LMF1: variants seen among roughly 807,000 people sequenced by gnomAD.
The protein encoded by LMF1 is lipase maturation factor 1.
LMF1 carries 68 observed loss-of-function variants against 60.6 expected under a neutral mutation model. That is an observed-to-expected ratio of 1.12 (90% CI 0.92 to 1.37). The LOEUF is 1.37. Ranked by LOEUF, LMF1 falls within the 40% of genes most tolerant of loss-of-function variation. The pLI, the probability that LMF1 is intolerant of heterozygous loss-of-function variation, is 0.00. For missense variants in LMF1, 948 were observed against 767.2 expected (o/e 1.24, Z -2.78); for synonymous variants, 418 against 324.7 (o/e 1.29, Z -3.09).
intron 10 of LMF1, among the ~76,000 whole-genome samples, chr16:857,028 C>A (rs151295312): frequency 3.9e-5 from 6 of 152,264 alleles, no homozygotes; most frequent in Non-Finnish European, 4.4e-5. Flanking sequence ...TGGAACCCTG[C>A]GGCACGTACC....
intron 10 of LMF1, among the ~76,000 whole-genome samples, chr16:868,208 G>A (rs74001084): frequency 0.027 from 4,074 of 151,940 alleles, 165 homozygotes; most frequent in African/African-American, 0.086. Context: ...CCCACCCTGG[G>A]CCCCACCCCA....
At chr16:953,370 A>G (rs1398965380) in intron 2 of LMF1, among the ~76,000 whole-genome samples, 2 of 89,484 alleles carry the variant, frequency 2.2e-5, no homozygotes, top group East Asian at 5.5e-4. Context: ...CACGGACCCC[A>G]AACCAGCCTC....
intron 3 of LMF1, among the ~76,000 whole-genome samples, chr16:918,450 C>T (rs192176673): frequency 1.2e-4 from 19 of 152,350 alleles, no homozygotes; most frequent in South Asian, 8.3e-4. Context: ...TTAGACTTCG[C>T]GGCAAAGAGT....
intron 2 of LMF1, among the ~76,000 whole-genome samples, chr16:951,682 T>C (rs1319608765): frequency 2.6e-5 from 4 of 152,158 alleles, no homozygotes; most frequent in South Asian, 4.1e-4. Context: ...GAACGATAAA[T>C]GGGGAGCAGA....
chr16:975,682 C>T, upstream of LMF1: 1 of 400,126 alleles, frequency 2.5e-6, no homozygotes, highest in Non-Finnish European at 5.0e-6. Context: ...CCACTTTGCC[C>T]CTCGTACCCG....
upstream of LMF1, chr16:971,049 G>T (rs1047956809): frequency 2.5e-5 from 30 of 1,194,922 alleles, no homozygotes; most frequent in African/African-American, 4.4e-4. Context: ...CGGAGGCCCC[G>T]CCTCTCCCTG....
chr16:933,277 G>T (rs964355629), intron 3 of LMF1: 2 of 152,208 alleles, frequency 1.3e-5, no homozygotes, highest in Non-Finnish European at 1.5e-5. Context: ...CAGGAATAAG[G>T]TTCCTTTGTA....
intron 6 of LMF1, among the ~76,000 whole-genome samples, chr16:875,883 C>T (rs553095804): frequency 6.6e-5 from 10 of 152,328 alleles, no homozygotes; most frequent in Admixed American, 5.9e-4. Context: ...CCCGGCCCTC[C>T]TCCAGCAGCT....
Position 954,461 on chromosome 16 carries a change from T to C in LMF1, c.399A>G (p.Gly133=). Residue 133 remains glycine (G), a synonymous_variant, in exon 2 of 11, where the codon GGA becomes GGG. Transcript: ENST00000262301. ...TCAGTACGAAAGACGAGATGCCCAG[T>C]CCGAGAAGAGCCAGCAAGTCCAGGT... ...NSNLDLLALL[G]LGISSFVLIT... is the part of the protein sequence containing the mutation. The C allele has an allele frequency of 6.2e-7, 1 of 1,612,832 alleles. No homozygotes were observed. The highest frequency in any genetic ancestry group is 1.3e-5 in the African/African-American group (1 of 75,008).
intron 4 of LMF1, among the ~76,000 whole-genome samples, chr16:909,578 C>T (rs1473748531): frequency 3.9e-5 from 6 of 152,238 alleles, no homozygotes; most frequent in South Asian, 4.1e-4. Context: ...CAGCAAGCCA[C>T]GCTACACACT....
At chr16:900,742 G>C (rs1210584116) in intron 4 of LMF1, 2 of 144,862 alleles carry the variant, frequency 1.4e-5, no homozygotes, top group Non-Finnish European at 3.0e-5. Context: ...TTTTAGTACA[G>C]ACGGGATTTC....
intron 1 of LMF1, chr16:976,419 G>A (rs1286001772): frequency 2.2e-6 from 1 of 454,120 alleles, no homozygotes. Flanking sequence ...TTAGGGACAG[G>A]ATTTACTGCC....
At position 874,340 on chromosome 16, in the gene LMF1, C is replaced by A. The variant is rs1377382679; in HGVS notation, c.898-2999G>T. Among the ~76,000 whole-genome samples, 2 of 151,922 alleles carry A rather than the reference C, an allele frequency of 1.3e-5. No homozygotes were observed. Among genetic ancestry groups the A allele is most frequent in the African/African-American group, 4.8e-5 (2 of 41,384 alleles). On this transcript the variant is annotated intron_variant, in intron 6 of 10. Coordinates refer to ENST00000262301, the MANE Select transcript of LMF1 (RefSeq NM_022773.4). This position sits in a 1 kb window ranked among gnomAD's most constrained non-coding sequence, Gnocchi z 4.1. ...GGTGCAGCCACCACAGGGCAAGGAG[C>A]CCTTTGGGCAGGGCGGGGTGGGGTG...
chr16:908,429 C>T (rs555195204), intron 4 of LMF1, among the ~76,000 whole-genome samples: 140 of 152,328 alleles, frequency 9.2e-4, no homozygotes, highest in African/African-American at 2.2e-3. Context: ...CCCGACACCA[C>T]GTCCAGAAAG....
At chr16:918,257 C>G (rs71380208) in intron 3 of LMF1, among the ~76,000 whole-genome samples, 1 of 152,192 alleles carries the variant, frequency 6.6e-6, no homozygotes, top group Non-Finnish European at 1.5e-5. Context: ...GTGACCCCTG[C>G]GCCCGGCCGC....
At chr16:926,715 AG>A (rs2071620485) in intron 3 of LMF1, among the ~76,000 whole-genome samples, 1 of 152,188 alleles carries the variant, frequency 6.6e-6, no homozygotes, top group Non-Finnish European at 1.5e-5. Flanking sequence ...CCACACCCTA[AG>A]GGGTCCCGGC....
chr16:972,275 C>A (rs772170398), upstream of LMF1, among the ~76,000 whole-genome samples: 10 of 152,316 alleles, frequency 6.6e-5, no homozygotes, highest in Admixed American at 1.3e-4. Context: ...CCCTTAGGAG[C>A]CCAGCTGTGA....
At chr16:943,881 A>G (rs1311421290) in intron 2 of LMF1, among the ~76,000 whole-genome samples, 2 of 151,466 alleles carry the variant, frequency 1.3e-5, no homozygotes, top group Non-Finnish European at 2.9e-5. Context: ...TAGGGATCCT[A>G]TTTTCCTGTT....
intron 5 of LMF1, among the ~76,000 whole-genome samples, chr16:889,095 C>T (rs942437319): frequency 2.0e-5 from 3 of 152,152 alleles, no homozygotes; most frequent in Admixed American, 1.3e-4. Flanking sequence ...GGGTAGAGGT[C>T]GTCAGAACTG....
Sources: gnomAD v4.1 joint callset for allele counts (sites outside exome capture counted in the v4.1 genomes callset) on GRCh38, gnomAD v4.1.1 for gene constraint, Gnocchi (gnomAD v3.1) non-coding constraint, MANE v1.5 for transcripts, NCBI Gene and HGNC (gene_info 2026-07-23, HGNC 2026-07-21) for gene names.